ABCC8: variants seen among roughly 807,000 people sequenced by gnomAD.
ABCC8 encodes ATP binding cassette subfamily C member 8.
ABCC8 carries 137 observed loss-of-function variants against 188.0 expected under a neutral mutation model. That is an observed-to-expected ratio of 0.73 (90% CI 0.63 to 0.84). ABCC8 has a LOEUF of 0.84. Ranked by LOEUF, ABCC8 falls within the 40% of genes least tolerant of loss-of-function variation. The pLI is 0.00. For missense variants in ABCC8, 1,750 were observed against 2,072.7 expected (o/e 0.84, Z 3.02); for synonymous variants, 797 against 846.5 (o/e 0.94, Z 1.01).
In ABCC8 at chr11:17,401,325, C is replaced by T. The variant is rs187683731; in HGVS notation, c.3650+1336G>A. ...CCCCAGCAAGCTTCTTTGTGGAAGA[C>T]ACAGCATAGGCTTGTCCAGGGGCAA... On this transcript the variant is annotated intron_variant, in intron 29 of 38. Transcript: ENST00000389817. 3.3e-5 allele frequency among the ~76,000 whole-genome samples: 5 copies of T among 152,352 alleles called. No individual in the cohort carries two copies. In the East Asian group the frequency reaches 9.6e-4, roughly 29 times the overall value.
Position 17,432,304 on chromosome 11 carries a change from T to A in ABCC8, c.1631-60A>T, listed in dbSNP as rs1230662788. 3 of 1,551,486 alleles carry A rather than the reference T, an allele frequency of 1.9e-6. No homozygotes were observed. The African/African-American group carries it at 4.1e-5, about 21-fold the overall frequency. On this transcript the variant is annotated intron_variant, in intron 10 of 38. Coordinates refer to ENST00000389817, the MANE Select transcript of ABCC8 (RefSeq NM_000352.6). The stretch of plus-strand genomic sequence containing the variant: ...GGAGCGTGACAGCTACACATGGAGA[T>A]GCCCAGGATGGCTTGGAGGCAGCGC...
chr11:17,458,817 AT>A (rs1957087658), intron 6 of ABCC8, among the ~76,000 whole-genome samples: 1 of 152,218 alleles, frequency 6.6e-6, no homozygotes, highest in Non-Finnish European at 1.5e-5. Context: ...CCTTTCAAAC[AT>A]CCCCTCCTCT....
intron 10 of ABCC8, 111 bp downstream of exon 10, chr11:17,442,609 A>T: frequency 9.0e-7 from 1 of 1,106,304 alleles, no homozygotes; most frequent in Non-Finnish European, 1.4e-6. Flanking sequence ...GAGTCGGATA[A>T]TCTCAAGGCC....
chr11:17,467,582 G>A (rs1016555954), intron 3 of ABCC8, among the ~76,000 whole-genome samples: 1 of 152,222 alleles, frequency 6.6e-6, no homozygotes, highest in Non-Finnish European at 1.5e-5. Flanking sequence ...GCTCAAATAT[G>A]ACTTTTTCAG....
At chr11:17,422,963 G>T (rs1016679084) in intron 16 of ABCC8, among the ~76,000 whole-genome samples, 2 of 151,774 alleles carry the variant, frequency 1.3e-5, no homozygotes, top group Non-Finnish European at 2.9e-5. Context: ...ATCCTTCAAG[G>T]CTCAAATACC....
chr11:17,432,389 C>T, intron 10 of ABCC8, 145 bp from the exon 11 acceptor site: 1 of 1,491,968 alleles, frequency 6.7e-7, no homozygotes. Context: ...GAACTCTAGC[C>T]CTGTGGCACT....
rs1564889817 is a variant in ABCC8 at position 17,404,741 on chromosome 11, A to T, written c.3400-72T>A. Reference sequence around the variant, plus strand: ...TGTGTTTAGAGTGCTACTGGCCGCCATGTTTTGCTCTCACTTTATTTTTTG... The same window carrying T: ...TGTGTTTAGAGTGCTACTGGCCGCCTTGTTTTGCTCTCACTTTATTTTTTG... On this transcript the variant is annotated intron_variant, in intron 27 of 38. Coordinates refer to ENST00000389817, the MANE Select transcript of ABCC8 (RefSeq NM_000352.6). The surrounding 1 kb of genome is among the most constrained non-coding windows in gnomAD (Gnocchi z 4.7). The T allele has an allele frequency of 8.4e-6, 13 of 1,545,714 alleles. No homozygotes were observed. The highest frequency in any genetic ancestry group is 1.4e-5 in the African/African-American group (1 of 72,956).
intron 16 of ABCC8, among the ~76,000 whole-genome samples, chr11:17,424,162 G>C (rs533528338): frequency 6.6e-6 from 1 of 151,928 alleles, no homozygotes; most frequent in East Asian, 1.9e-4. Context: ...CGAGCCTGTC[G>C]GGGGGTGGGA....
intron 28 of ABCC8, 158 bp from the exon 29 acceptor site, chr11:17,402,911 G>T: frequency 3.2e-6 from 1 of 307,988 alleles, no homozygotes; most frequent in Non-Finnish European, 4.7e-6. Context: ...AATGCCACCA[G>T]CCCATTGAGC....
intron 20 of ABCC8, 123 bp downstream of exon 20, chr11:17,413,271 A>G: frequency 1.4e-6 from 2 of 1,442,208 alleles, no homozygotes; most frequent in Non-Finnish European, 1.9e-6. Context: ...ACCTTACTGC[A>G]GGCAACTCTT....
intron 6 of ABCC8, among the ~76,000 whole-genome samples, chr11:17,460,162 C>G (rs1050127249): frequency 6.6e-6 from 1 of 152,178 alleles, no homozygotes; most frequent in Admixed American, 6.5e-5. Context: ...AACTGAAAGC[C>G]AACAAATCCA....
At chr11:17,400,515 T>A (rs577067822) in intron 29 of ABCC8, among the ~76,000 whole-genome samples, 1 of 152,266 alleles carries the variant, frequency 6.6e-6, no homozygotes, top group South Asian at 2.1e-4. Flanking sequence ...ACATCACAAC[T>A]TCCTGGCTGT....
intron 21 of ABCC8, 122 bp from the exon 22 acceptor site, chr11:17,410,775 C>T: frequency 6.7e-7 from 1 of 1,489,288 alleles, no homozygotes; most frequent in South Asian, 1.3e-5. Context: ...AGCTAGTTAG[C>T]TGTGTGGCTT....
chr11:17,446,772 AT>A (rs1385040308), intron 8 of ABCC8, among the ~76,000 whole-genome samples: 1 of 152,126 alleles, frequency 6.6e-6, no homozygotes, highest in East Asian at 1.9e-4. Flanking sequence ...CCTGCATCTC[AT>A]CTTGTCTAGC....
At chr11:17,409,872 C>G (rs1224529649) in intron 22 of ABCC8, among the ~76,000 whole-genome samples, 1 of 152,010 alleles carries the variant, frequency 6.6e-6, no homozygotes, top group Non-Finnish European at 1.5e-5. Flanking sequence ...ATTGAAGTTT[C>G]TTTCTTTCTT....
chr11:17,444,721 A>C (rs7117162), intron 8 of ABCC8, among the ~76,000 whole-genome samples: 61,742 of 152,076 alleles, frequency 0.41, 13,547 homozygotes, highest in African/African-American at 0.58. Flanking sequence ...GTTAGGAAAA[A>C]AATCTAGCAT....
chr11:17,401,781 T>A (rs1264665428), intron 29 of ABCC8, among the ~76,000 whole-genome samples: 1 of 152,168 alleles, frequency 6.6e-6, no homozygotes, highest in African/African-American at 2.4e-5. Context: ...GCTTCCCTCA[T>A]TCCCCAGGCA....
intron 10 of ABCC8, among the ~76,000 whole-genome samples, chr11:17,436,486 G>GAATAGAATATAGCCAAA (rs1956101433): frequency 6.6e-6 from 1 of 152,166 alleles, no homozygotes; most frequent in Non-Finnish European, 1.5e-5. Context: ...ATATAGCCAA[G>GAATAGAATATAGCCAAA]AATAGATTTC....
rs766417006 is a variant in ABCC8 at position 17,427,863 on chromosome 11, A to G, written c.2116+4T>C. On this transcript the variant is annotated splice_donor_region_variant and intron_variant, in intron 15 of 38. Transcript: ENST00000389817. The surrounding 1 kb of genome is among the most constrained non-coding windows in gnomAD (Gnocchi z 5.0). ...GCATGCTGGAGGGGTGGACTGGGCC[A>G]TACCTCGGGGGATACGAATGGTGAT... 18 of 1,613,854 alleles carry G rather than the reference A, an allele frequency of 1.1e-5. No individual in the cohort carries two copies. The highest frequency in any genetic ancestry group is 1.4e-5 in the Non-Finnish European group (17 of 1,179,966).
Sources: gnomAD v4.1 joint callset for allele counts (sites outside exome capture counted in the v4.1 genomes callset) on GRCh38, gnomAD v4.1.1 for gene constraint, Gnocchi (gnomAD v3.1) non-coding constraint, MANE v1.5 for transcripts, NCBI Gene and HGNC (gene_info 2026-07-23, HGNC 2026-07-21) for gene names.